KCNT2: variants seen among roughly 807,000 people sequenced by gnomAD.
KCNT2 encodes the protein potassium sodium-activated channel subfamily T member 2, also known as potassium channel subfamily T member 2.
In KCNT2, 67 loss-of-function variants were observed where a neutral mutation model predicts 153.8. The ratio of observed to expected loss-of-function variants is 0.44; its 90% CI spans 0.36 to 0.53. KCNT2 has a LOEUF of 0.53. KCNT2 is among the 20% of genes least tolerant of loss of function. The pLI is 0.00. For missense variants in KCNT2, 975 were observed against 1,354.8 expected (o/e 0.72, Z 4.40); for synonymous variants, 500 against 458.8 (o/e 1.09, Z -1.15).
Position 196,490,831 on chromosome 1 carries a change from T to C in KCNT2, c.176-894A>G, listed in dbSNP as rs376919980. The stretch of plus-strand genomic sequence containing the variant: ...TTTACGATATCTGATTCATGCATTA[T>C]GAATAAAATTTTGATAAAGGCCTTC... On this transcript the variant is annotated intron_variant, in intron 2 of 27. Coordinates refer to ENST00000294725, the MANE Select transcript of KCNT2 (RefSeq NM_198503.5). 4.7e-4 allele frequency among the ~76,000 whole-genome samples: 71 copies of C among 152,140 alleles called. No homozygotes were observed. The East Asian group carries it at 7.1e-3, about 15-fold the overall frequency.
chr1:196,381,650 T>G (rs773910808), intron 13 of KCNT2, among the ~76,000 whole-genome samples: 7 of 152,088 alleles, frequency 4.6e-5, no homozygotes, highest in African/African-American at 7.2e-5. Context: ...AACCAGCACT[T>G]AAAATAGGTA....
intron 3 of KCNT2, among the ~76,000 whole-genome samples, chr1:196,484,844 T>C (rs1399814188): frequency 6.6e-6 from 1 of 152,092 alleles, no homozygotes; most frequent in Non-Finnish European, 1.5e-5. Context: ...TTTACACTGT[T>C]GGTGAGAATG....
chr1:196,408,309 C>T (rs1193858199), intron 12 of KCNT2, among the ~76,000 whole-genome samples: 3 of 151,482 alleles, frequency 2.0e-5, no homozygotes. Context: ...CTTTCATGAT[C>T]AATTTTGCCA....
At chr1:196,239,597 C>T (rs1443597313) in intron 26 of KCNT2, among the ~76,000 whole-genome samples, 1 of 151,750 alleles carries the variant, frequency 6.6e-6, no homozygotes, top group African/African-American at 2.4e-5. Flanking sequence ...ACATTACTTT[C>T]ATATTTTTGT....
chr1:196,561,675 A>G (rs55672377), intron 1 of KCNT2, among the ~76,000 whole-genome samples: 6,741 of 36,144 alleles, frequency 0.19, 416 homozygotes, highest in Non-Finnish European at 0.43. Context: ...AAAAAAAAAA[A>G]AAGAAGAAGA....
At chr1:196,378,617 T>C (rs1262980054) in intron 13 of KCNT2, among the ~76,000 whole-genome samples, 1 of 151,062 alleles carries the variant, frequency 6.6e-6, no homozygotes, top group Non-Finnish European at 1.5e-5. Context: ...GTTTTAACCA[T>C]AGTTCAAGCC....
intron 26 of KCNT2, among the ~76,000 whole-genome samples, chr1:196,244,573 T>C (rs989362126): frequency 6.6e-6 from 1 of 152,076 alleles, no homozygotes; most frequent in African/African-American, 2.4e-5. Flanking sequence ...GTACCCAACA[T>C]TGGCCTGGAG....
chr1:196,420,412 A>G (rs2148512545), intron 12 of KCNT2, among the ~76,000 whole-genome samples: 1 of 151,806 alleles, frequency 6.6e-6, no homozygotes, highest in East Asian at 2.0e-4. Context: ...TGTTCTTGTT[A>G]GAAATGTCCT....
chr1:196,516,060 G>A (rs1307844262), intron 1 of KCNT2, among the ~76,000 whole-genome samples: 1 of 152,172 alleles, frequency 6.6e-6, no homozygotes, highest in East Asian at 1.9e-4. Flanking sequence ...CTCCAGCAAG[G>A]TGGGAGGTCA....
intron 12 of KCNT2, among the ~76,000 whole-genome samples, chr1:196,413,304 T>C (rs1262747670): frequency 1.3e-5 from 2 of 151,682 alleles, no homozygotes; most frequent in Non-Finnish European, 3.0e-5. Flanking sequence ...TCTCTGAGAC[T>C]TGGTTTTCTC....
chr1:196,496,587 C>T (rs140425692), intron 1 of KCNT2, among the ~76,000 whole-genome samples: 12 of 151,910 alleles, frequency 7.9e-5, no homozygotes, highest in African/African-American at 2.9e-4. Flanking sequence ...TAAATAAAAA[C>T]CAAAATACTT....
chr1:196,253,440 G>A (rs1277473321), intron 26 of KCNT2, among the ~76,000 whole-genome samples: 3 of 151,166 alleles, frequency 2.0e-5, no homozygotes, highest in Admixed American at 2.0e-4. Context: ...TCATGTTCTT[G>A]TTTTCCTCTG....
intron 25 of KCNT2, among the ~76,000 whole-genome samples, chr1:196,271,555 A>C (rs1333805591): frequency 1.3e-5 from 2 of 152,092 alleles, no homozygotes; most frequent in South Asian, 4.1e-4. Context: ...TAGGTAAATA[A>C]TGAAAGTAAG....
At chr1:196,439,213 C>T (rs1429569979) in intron 8 of KCNT2, among the ~76,000 whole-genome samples, 1 of 151,798 alleles carries the variant, frequency 6.6e-6, no homozygotes, top group Non-Finnish European at 1.5e-5. Context: ...AAGAACACTG[C>T]CGCAGAATAA....
intron 7 of KCNT2, among the ~76,000 whole-genome samples, chr1:196,465,790 A>G (rs1386391773): frequency 2.0e-5 from 3 of 152,008 alleles, no homozygotes; most frequent in African/African-American, 7.2e-5. Flanking sequence ...AATTACAAAC[A>G]AAGCTCATTA....
At chr1:196,284,248 A>AAAAAAAAAAAATATATATAT in intron 23 of KCNT2, among the ~76,000 whole-genome samples, 4 of 10,048 alleles carry the variant, frequency 4.0e-4, no homozygotes, top group African/African-American at 5.5e-4. Flanking sequence ...AAAAAAAAAA[A>AAAAAAAAAAAATATATATAT]ATATATATAT....
At chr1:196,372,278 T>C (rs942676537) in intron 14 of KCNT2, among the ~76,000 whole-genome samples, 1 of 151,926 alleles carries the variant, frequency 6.6e-6, no homozygotes, top group Non-Finnish European at 1.5e-5. Flanking sequence ...TATAAATAAA[T>C]CTCAAAAAAG....
intron 10 of KCNT2, 79 bp downstream of exon 10, chr1:196,428,026 C>T (rs1673804626): frequency 7.5e-6 from 8 of 1,073,324 alleles, no homozygotes; most frequent in Middle Eastern, 2.1e-4. Flanking sequence ...ACAAAGCAGG[C>T]TGCACCATCA....
chr1:196,293,884 A>C (rs1660434535), intron 22 of KCNT2, among the ~76,000 whole-genome samples: 3 of 151,964 alleles, frequency 2.0e-5, no homozygotes, highest in African/African-American at 7.2e-5. Flanking sequence ...CAAAAAAACA[A>C]AAAACAAAAC....
Sources: gnomAD v4.1 joint callset for allele counts (sites outside exome capture counted in the v4.1 genomes callset) on GRCh38, gnomAD v4.1.1 for gene constraint, MANE v1.5 for transcripts, NCBI Gene and HGNC (gene_info 2026-07-23, HGNC 2026-07-21) for gene names.